RERG: variants seen among roughly 807,000 people sequenced by gnomAD.
RERG encodes RAS like estrogen regulated growth inhibitor, also known as ras-related and estrogen-regulated growth inhibitor.
Under a neutral mutation model 23.2 loss-of-function variants are expected in RERG, and 25 were observed. That is an observed-to-expected ratio of 1.08 (90% CI 0.79 to 1.50). The LOEUF (loss-of-function observed/expected upper bound fraction) is 1.50, where lower values mean the gene tolerates loss of function less well. Ranked by LOEUF, RERG falls within the 40% of genes most tolerant of loss-of-function variation. RERG has a pLI of 0.00. For missense variants in RERG, 253 were observed against 250.1 expected, an observed-to-expected ratio of 1.01 and a Z score of -0.08; for synonymous variants, 81 against 89.1, an observed-to-expected ratio of 0.91 and a Z score of 0.51.
At chr12:15,186,080 T>A (rs1864985840) in intron 2 of RERG, among the ~76,000 whole-genome samples, 2 of 151,972 alleles carry the variant, frequency 1.3e-5, no homozygotes, top group Admixed American at 1.3e-4. Flanking sequence ...TGTTTTTCAA[T>A]GACCAATGAC....
intron 2 of RERG, among the ~76,000 whole-genome samples, chr12:15,163,711 G>A (rs1217610584): frequency 1.3e-5 from 2 of 152,206 alleles, no homozygotes; most frequent in African/African-American, 2.4e-5. Flanking sequence ...TAGAGGTGAT[G>A]AAACAACAGG....
chr12:15,135,294 G>C (rs1864125563), intron 2 of RERG, among the ~76,000 whole-genome samples: 1 of 152,146 alleles, frequency 6.6e-6, no homozygotes, highest in Non-Finnish European at 1.5e-5. Flanking sequence ...TTGCTTATCT[G>C]ATCTGGGAGT....
chr12:15,218,347 T>C (rs1468548098), intron 1 of RERG, among the ~76,000 whole-genome samples: 1 of 152,154 alleles, frequency 6.6e-6, no homozygotes, highest in African/African-American at 2.4e-5. Context: ...AGTTTGGTGC[T>C]TTAGGAGTGA....
chr12:15,216,144 C>T (rs551974382), intron 2 of RERG, among the ~76,000 whole-genome samples: 1 of 152,308 alleles, frequency 6.6e-6, no homozygotes, highest in East Asian at 1.9e-4. Context: ...ATCATTTCCT[C>T]ATTCTCCAGA....
chr12:15,173,749 G>A (rs1278601684), intron 2 of RERG, among the ~76,000 whole-genome samples: 1 of 151,452 alleles, frequency 6.6e-6, no homozygotes, highest in East Asian at 1.9e-4. Flanking sequence ...TAATAAAATT[G>A]TTTTCTTAAT....
In RERG at chr12:15,108,946, TA is replaced by T; in HGVS notation, c.*163del. 2 of 649,682 alleles carry T rather than the reference TA, an allele frequency of 3.1e-6. No homozygotes were observed. Among genetic ancestry groups the T allele is most frequent in the South Asian group, 2.3e-5 (1 of 43,210 alleles). 40.2% of individuals were successfully genotyped at this position (649,682 alleles called of 1,614,324 possible). ...AGAAATTGTTAGCACTGAAATTGCA[TA>T]AAACACGCTAAAACTTCCCAACCTA... On this transcript the variant is annotated 3_prime_UTR_variant, in exon 5 of 5. Coordinates refer to ENST00000256953, the MANE Select transcript of RERG (RefSeq NM_032918.3).
chr12:15,141,607 C>A (rs1446178461), intron 2 of RERG, among the ~76,000 whole-genome samples: 1 of 152,152 alleles, frequency 6.6e-6, no homozygotes, highest in African/African-American at 2.4e-5. Context: ...GTGAACTGAT[C>A]TTGCCTATGA....
intron 2 of RERG, among the ~76,000 whole-genome samples, chr12:15,139,179 C>T (rs933144645): frequency 3.9e-5 from 6 of 152,026 alleles, no homozygotes; most frequent in South Asian, 2.1e-4. Context: ...TCTGTTTCAT[C>T]GAACTATCTG....
intron 2 of RERG, among the ~76,000 whole-genome samples, chr12:15,124,675 C>T (rs1051977261): frequency 3.3e-5 from 5 of 151,908 alleles, no homozygotes; most frequent in Admixed American, 1.3e-4. Context: ...ATAACAAATC[C>T]GCTCCAAAAC....
intron 2 of RERG, among the ~76,000 whole-genome samples, chr12:15,181,833 C>A (rs1864925993): frequency 6.6e-6 from 1 of 152,058 alleles, no homozygotes; most frequent in Non-Finnish European, 1.5e-5. Context: ...ACACATAGAA[C>A]CAAGTGGAAA....
intron 2 of RERG, among the ~76,000 whole-genome samples, chr12:15,195,995 T>G (rs1458722750): frequency 6.6e-6 from 1 of 152,176 alleles, no homozygotes; most frequent in Non-Finnish European, 1.5e-5. Flanking sequence ...CTCAATGGTT[T>G]GCATATGTGC....
At chr12:15,137,955 C>T in intron 2 of RERG, 1 of 384,670 alleles carries the variant, frequency 2.6e-6, no homozygotes, top group Non-Finnish European at 5.1e-6. Context: ...GGTTTATTGG[C>T]AGCAAATTCC....
At chr12:15,183,461 C>CT (rs549044598) in intron 2 of RERG, among the ~76,000 whole-genome samples, 1 of 152,056 alleles carries the variant, frequency 6.6e-6, no homozygotes, top group Admixed American at 6.6e-5. Flanking sequence ...TAAAGTATCT[C>CT]TTTTTTAGAT....
At chr12:15,183,937 T>C (rs2136130557) in intron 2 of RERG, among the ~76,000 whole-genome samples, 1 of 152,308 alleles carries the variant, frequency 6.6e-6, no homozygotes, top group African/African-American at 2.4e-5. Flanking sequence ...AAACACTTAA[T>C]ATCTCTGTTT....
chr12:15,114,313 A>C (rs1004645381), intron 3 of RERG, among the ~76,000 whole-genome samples: 2 of 152,190 alleles, frequency 1.3e-5, no homozygotes. Context: ...TAGGCTAAAG[A>C]CTGGAGAACA....
At chr12:15,146,066 T>C (rs1021114293) in intron 2 of RERG, among the ~76,000 whole-genome samples, 45 of 152,204 alleles carry the variant, frequency 3.0e-4, no homozygotes, top group African/African-American at 1.0e-3. Context: ...AGATTTCTCC[T>C]AGCTCTGTTA....
chr12:15,196,794 C>T (rs1301863602), intron 2 of RERG, among the ~76,000 whole-genome samples: 1 of 152,112 alleles, frequency 6.6e-6, no homozygotes, highest in Non-Finnish European at 1.5e-5. Flanking sequence ...AAAGGCTATT[C>T]TTAAGCATTC....
intron 2 of RERG, among the ~76,000 whole-genome samples, chr12:15,186,323 C>G (rs1391055634): frequency 6.6e-6 from 1 of 151,870 alleles, no homozygotes; most frequent in Non-Finnish European, 1.5e-5. Context: ...TATAGCAATT[C>G]ATTTTGTCTG....
chr12:15,121,164 TGC>T (rs1227927064), intron 2 of RERG, 45 bp from the exon 3 acceptor site: 1 of 1,455,924 alleles, frequency 6.9e-7, no homozygotes, highest in African/African-American at 1.4e-5. Context: ...TTTGTTAATT[TGC>T]TTAGCACACC....
Sources: allele counts gnomAD v4.1 joint callset (sites outside exome capture counted in the v4.1 genomes callset), GRCh38; gene constraint gnomAD v4.1.1; transcripts MANE v1.5; gene names NCBI Gene and HGNC (gene_info 2026-07-23, HGNC 2026-07-21).